The following POLE variants were observed in gnomAD, a reference collection of about 807,000 sequenced individuals.
POLE encodes DNA polymerase epsilon catalytic subunit A.
POLE carries 188 observed loss-of-function variants against 279.2 expected under a neutral mutation model. The ratio of observed to expected loss-of-function variants is 0.67; its 90% CI spans 0.60 to 0.76. The LOEUF is 0.76. Ranked by LOEUF, POLE falls within the 30% of genes least tolerant of loss-of-function variation. The probability of loss-of-function intolerance (pLI) is 0.00; values close to 1 mark genes in which losing one functional copy is unlikely to be tolerated. For missense variants in POLE, 2,703 were observed against 3,016.7 expected (o/e 0.90, Z 2.44); for synonymous variants, 1,214 against 1,172.5 (o/e 1.04, Z -0.72).
rs1555225931 is a variant in POLE, at chr12:132,660,962, C to A, written c.3060+7G>T. 1.3e-6 allele frequency: 2 copies of A among 1,595,234 alleles called. No homozygotes were observed. The highest frequency in any genetic ancestry group is 1.7e-6 in the Non-Finnish European group (2 of 1,170,186). The stretch of plus-strand genomic sequence containing the variant: ...AGAGCAGGTGAGGGTGGAGGGTAGG[C>A]CTTTACCTTGCTGTACAGCACGTCC... On this transcript the variant is annotated splice_region_variant and intron_variant, in intron 25 of 48. Transcript: ENST00000320574.
At chr12:132,629,256 C>CT (rs1435278480) in intron 45 of POLE, among the ~76,000 whole-genome samples, 3 of 152,204 alleles carry the variant, frequency 2.0e-5, no homozygotes, top group African/African-American at 7.2e-5. Context: ...CCTTAAAAGA[C>CT]TGAATGAGCA....
chr12:132,635,033 C>T (rs934596958), intron 42 of POLE, among the ~76,000 whole-genome samples: 2 of 152,184 alleles, frequency 1.3e-5, no homozygotes, highest in South Asian at 4.1e-4. Flanking sequence ...GGCTTTCCCT[C>T]TGACATCTGA....
intron 33 of POLE, 107 bp downstream of exon 33, chr12:132,643,730 T>C: frequency 6.8e-7 from 1 of 1,467,472 alleles, no homozygotes; most frequent in Non-Finnish European, 9.3e-7. Flanking sequence ...TGGGAACGAG[T>C]CCACTGTCGC....
rs879625870 is a variant in POLE, at chr12:132,641,907, C to A, written c.5174-56G>T. On this transcript the variant is annotated intron_variant, in intron 38 of 48. Coordinates refer to ENST00000320574, the MANE Select transcript of POLE (RefSeq NM_006231.4). ...ATCCTGCCAGCTCCAGCACCACCAG[C>A]CCCCTGGGCCTGACTCCAGCCACCA... The A allele has an allele frequency of 3.4e-5, 52 of 1,546,558 alleles. No homozygotes were observed. The Admixed American group carries it at 8.7e-4, about 26-fold the overall frequency.
chr12:132,672,319 G>T lies in POLE; in HGVS notation c.1690C>A (p.Pro564Thr). 2 of 1,613,584 alleles carry T rather than the reference G, an allele frequency of 1.2e-6. No homozygotes were observed. Among genetic ancestry groups the T allele is most frequent in the Non-Finnish European group, 1.7e-6 (2 of 1,179,514 alleles). The change falls in exon 16 of 49, where the codon CCT (proline) becomes ACT (threonine). Residue 564 changes from proline to threonine, a missense_variant. Transcript: ENST00000320574. ...SDIPCRFRMNPAAFDFLLQRV... is the reference protein window; with the variant it reads ...SDIPCRFRMNTAAFDFLLQRV... ...TGCAGCAGGAAGTCAAAGGCGGCAGGATTCTAGCACAACAGTGAGACGACG... is the reference window on the plus strand; with the variant it reads ...TGCAGCAGGAAGTCAAAGGCGGCAGTATTCTAGCACAACAGTGAGACGACG...
At chr12:132,657,564 A>G (rs2042574170) in intron 27 of POLE, 135 bp from the exon 28 acceptor site, 7 of 770,096 alleles carry the variant, frequency 9.1e-6, no homozygotes, top group Non-Finnish European at 1.3e-5. Flanking sequence ...AAAGGTGCCC[A>G]TTGCACAACA....
intron 41 of POLE, among the ~76,000 whole-genome samples, chr12:132,636,256 C>T (rs565411870): frequency 1.3e-5 from 2 of 152,170 alleles, no homozygotes; most frequent in African/African-American, 2.4e-5. Context: ...GGTGCCTCCT[C>T]GTGCTGGGGA....
At chr12:132,655,825 T>TTGC (rs1051418537) in intron 29 of POLE, among the ~76,000 whole-genome samples, 1 of 152,188 alleles carries the variant, frequency 6.6e-6, no homozygotes, top group Non-Finnish European at 1.5e-5. Context: ...TTTACTCCTT[T>TTGC]TGCTTTTCCT....
At chr12:132,637,103 A>G (rs2042050021) in intron 41 of POLE, among the ~76,000 whole-genome samples, 1 of 152,220 alleles carries the variant, frequency 6.6e-6, no homozygotes, top group African/African-American at 2.4e-5. Context: ...CTGACCATCA[A>G]GGCTCATCTT....
In POLE at chr12:132,675,285, C is replaced by T. The variant is rs2043018981; in HGVS notation, c.1226+113G>A. ...ATACTCTTGGGTGACCTGAAACGGC[C>T]TCTCGGAGGCCACCCTCCTCCCATG... is the stretch of plus-strand genomic sequence containing the variant. On this transcript the variant is annotated intron_variant, in intron 12 of 48. Transcript: ENST00000320574. This position sits in a 1 kb window ranked among gnomAD's most constrained non-coding sequence, Gnocchi z 4.3. The T allele has an allele frequency of 1.4e-6, 2 of 1,400,482 alleles. No individual in the cohort carries two copies. The highest frequency in any genetic ancestry group is 2.9e-5 in the African/African-American group (2 of 69,938). The allele number at this position is 1,400,482 out of a possible 1,614,324, so 86.8% of individuals were successfully genotyped here. A position where few individuals can be genotyped will look rare whatever the true frequency, so the allele number is the denominator to read the frequency against.
intron 37 of POLE, 41 bp from the exon 38 acceptor site, chr12:132,642,438 G>A: frequency 6.3e-7 from 1 of 1,597,114 alleles, no homozygotes; most frequent in Non-Finnish European, 8.6e-7. Flanking sequence ...ACATCGCCGG[G>A]TCACAGAGAC....
chr12:132,657,999 A>G lies in POLE; in HGVS notation c.3276-29T>C, dbSNP rs548567784. 19 of 1,422,176 alleles carry G rather than the reference A, an allele frequency of 1.3e-5. No homozygotes were observed. The African/African-American group carries it at 1.4e-4, about 10-fold the overall frequency. 88.1% of individuals were successfully genotyped at this position (1,422,176 alleles called of 1,614,324 possible). A position where few individuals can be genotyped will look rare whatever the true frequency, so the allele number is the denominator to read the frequency against. On this transcript the variant is annotated intron_variant, in intron 26 of 48. Transcript: ENST00000320574. ...GGTAAGGAAGACAGGCACACAGCTC[A>G]GTAACAGTGAAAATCACCCAAAATC... is the stretch of plus-strand genomic sequence containing the variant.
In POLE at chr12:132,673,143, G is replaced by A. The variant is rs200062785; in HGVS notation, c.1473+21C>T. ...CAAGGGCTGAGGAGGCCAGGGTGCC[G>A]ACAGGACAGATAATGCTCACCTCGT... On this transcript the variant is annotated intron_variant, in intron 14 of 48. Coordinates refer to ENST00000320574, the MANE Select transcript of POLE (RefSeq NM_006231.4). 1.5e-5 allele frequency: 22 copies of A among 1,494,170 alleles called. No homozygotes were observed. In the African/African-American group the frequency reaches 1.5e-4, roughly 10 times the overall value. 92.6% of individuals were successfully genotyped at this position (1,494,170 alleles called of 1,614,324 possible).
intron 45 of POLE, 53 bp downstream of exon 45, chr12:132,632,262 C>A (rs1286312246): frequency 7.1e-7 from 1 of 1,414,250 alleles, no homozygotes; most frequent in Non-Finnish European, 9.9e-7. Context: ...AACATTCTCG[C>A]CTTACACATG....
chr12:132,625,306 G>A (rs372507680), intron 47 of POLE: 71 of 724,626 alleles, frequency 9.8e-5, no homozygotes, highest in South Asian at 4.7e-4. Context: ...AGCTTGGCGC[G>A]TCCCCCAGCC....
Position 132,675,687 on chromosome 12 carries a change from T to A in POLE, c.1106+48A>T. On this transcript the variant is annotated intron_variant, in intron 11 of 48. Coordinates refer to ENST00000320574, the MANE Select transcript of POLE (RefSeq NM_006231.4). This position sits in a 1 kb window ranked among gnomAD's most constrained non-coding sequence, Gnocchi z 4.3. ...AGCGCCCCTGCACCACGCAACGCCC[T>A]CCCTCTCAAATGCTGCCCAGTTACT... 6.3e-7 allele frequency: 1 copy of A among 1,579,974 alleles called. No individual in the cohort carries two copies. Among genetic ancestry groups the A allele is most frequent in the Non-Finnish European group, 8.7e-7 (1 of 1,149,510 alleles).
intron 6 of POLE, 110 bp downstream of exon 6, chr12:132,679,386 CG>C: frequency 9.5e-7 from 1 of 1,051,152 alleles, no homozygotes; most frequent in Non-Finnish European, 1.4e-6. Flanking sequence ...TCAAGTTTTC[CG>C]TATCAAACAG....
chr12:132,656,020 T>TA (rs1356335471), intron 29 of POLE, among the ~76,000 whole-genome samples: 3 of 151,502 alleles, frequency 2.0e-5, no homozygotes, highest in Non-Finnish European at 2.9e-5. Context: ...AAAAAAAAAT[T>TA]AAAAAAATAA....
chr12:132,647,538 A>T (rs2042313689), intron 32 of POLE, among the ~76,000 whole-genome samples: 1 of 152,098 alleles, frequency 6.6e-6, no homozygotes, highest in Non-Finnish European at 1.5e-5. Context: ...GCTCTTCGTT[A>T]TAAAGGAAAC....
Sources: gnomAD v4.1 joint callset for allele counts (sites outside exome capture counted in the v4.1 genomes callset) on GRCh38, gnomAD v4.1.1 for gene constraint, Gnocchi (gnomAD v3.1) non-coding constraint, MANE v1.5 for transcripts, NCBI Gene and HGNC (gene_info 2026-07-23, HGNC 2026-07-21) for gene names.